The following ACAP2 variants were observed in gnomAD, a reference collection of about 807,000 sequenced individuals.
ACAP2 encodes the protein ArfGAP with coiled-coil, ankyrin repeat and PH domains 2.
ACAP2 carries 39 observed loss-of-function variants against 115.8 expected under a neutral mutation model. That is an observed-to-expected ratio of 0.34 (90% CI 0.26 to 0.44). ACAP2 has a LOEUF of 0.44. ACAP2 is among the 20% of genes least tolerant of loss of function. The probability of loss-of-function intolerance (pLI) is 1.00; values close to 1 mark genes in which losing one functional copy is unlikely to be tolerated. For missense variants in ACAP2, 662 were observed against 927.6 expected (o/e 0.71, Z 3.72); for synonymous variants, 289 against 315.8 (o/e 0.92, Z 0.90).
At chr3:195,315,671 G>A (rs1262357138) in intron 10 of ACAP2, among the ~76,000 whole-genome samples, 1 of 152,056 alleles carries the variant, frequency 6.6e-6, no homozygotes, top group Non-Finnish European at 1.5e-5. Context: ...TGAAAATAAG[G>A]GGCTCTACAA....
At chr3:195,440,797 G>A (rs752994459) in intron 1 of ACAP2, among the ~76,000 whole-genome samples, 2 of 151,976 alleles carry the variant, frequency 1.3e-5, no homozygotes, top group Non-Finnish European at 2.9e-5. Context: ...TCTATTTCTC[G>A]GCAGTCTTCC....
intron 10 of ACAP2, among the ~76,000 whole-genome samples, chr3:195,316,333 A>T (rs1160955083): frequency 6.6e-6 from 1 of 152,062 alleles, no homozygotes; most frequent in Admixed American, 6.5e-5. Flanking sequence ...AGCTAGAAAC[A>T]TTATTTCTAA....
intron 7 of ACAP2, among the ~76,000 whole-genome samples, chr3:195,334,866 T>G (rs1009469784): frequency 2.6e-5 from 4 of 152,126 alleles, no homozygotes; most frequent in African/African-American, 9.7e-5. Context: ...ATAATAAGAT[T>G]ATTCATTAGA....
chr3:195,324,494 C>G (rs1449755619), intron 9 of ACAP2, among the ~76,000 whole-genome samples: 1 of 152,180 alleles, frequency 6.6e-6, no homozygotes, highest in Non-Finnish European at 1.5e-5. Flanking sequence ...TGGCTCACAC[C>G]TGTAATCCGA....
chr3:195,341,001 T>C (rs571626955), intron 6 of ACAP2, among the ~76,000 whole-genome samples: 1 of 152,336 alleles, frequency 6.6e-6, no homozygotes, highest in Non-Finnish European at 1.5e-5. Context: ...CTAATTTCTA[T>C]TTGGTTACTT....
chr3:195,404,405 G>A (rs554690867), intron 1 of ACAP2, among the ~76,000 whole-genome samples: 1 of 152,090 alleles, frequency 6.6e-6, no homozygotes, highest in African/African-American at 2.4e-5. Context: ...TTCTAAGGAA[G>A]AGATAAAATA....
At chr3:195,323,399 C>T (rs900496070) in intron 9 of ACAP2, among the ~76,000 whole-genome samples, 65 of 151,984 alleles carry the variant, frequency 4.3e-4, no homozygotes, top group African/African-American at 1.5e-3. Flanking sequence ...AATTTTATCG[C>T]AAACAGAACA....
rs770803296 is a variant in ACAP2, at chr3:195,301,573, A to C, written c.1395+2T>G. On this transcript the variant is annotated splice_donor_variant, in intron 15 of 22. Coordinates refer to ENST00000326793, the MANE Select transcript of ACAP2 (RefSeq NM_012287.6). LOFTEE classifies it high-confidence loss of function. ...ATATTTTAAAGCAAAAATTTTTTTTACCTTTAAAAGTTCTGGCTCCCAGGT... is the reference window on the plus strand; with the variant it reads ...ATATTTTAAAGCAAAAATTTTTTTTCCCTTTAAAAGTTCTGGCTCCCAGGT... 1 of 1,598,766 alleles carries C rather than the reference A, an allele frequency of 6.3e-7. No individual in the cohort carries two copies. The highest frequency in any genetic ancestry group is 8.5e-7 in the Non-Finnish European group (1 of 1,174,966).
chr3:195,328,486 T>C (rs1238463077), intron 8 of ACAP2, among the ~76,000 whole-genome samples: 4 of 152,194 alleles, frequency 2.6e-5, no homozygotes, highest in African/African-American at 9.7e-5. Flanking sequence ...GTGGCAACTA[T>C]GCTACTCTAT....
intron 1 of ACAP2, among the ~76,000 whole-genome samples, chr3:195,402,753 A>C (rs1261899796): frequency 6.6e-6 from 1 of 152,240 alleles, no homozygotes; most frequent in Non-Finnish European, 1.5e-5. Flanking sequence ...CAAACAAGTT[A>C]TACTAATCAG....
chr3:195,363,431 T>C (rs1212429348), intron 4 of ACAP2, among the ~76,000 whole-genome samples: 6 of 152,004 alleles, frequency 3.9e-5, no homozygotes, highest in Admixed American at 2.6e-4. Flanking sequence ...TCACCTGAGG[T>C]TGGGAGTTCG....
At chr3:195,406,259 C>A (rs1320586327) in intron 1 of ACAP2, among the ~76,000 whole-genome samples, 1 of 152,024 alleles carries the variant, frequency 6.6e-6, no homozygotes. Flanking sequence ...AAGTCCTCAC[C>A]CTCTTATTTA....
chr3:195,402,837 C>G (rs1289654445), intron 1 of ACAP2, among the ~76,000 whole-genome samples: 1 of 151,878 alleles, frequency 6.6e-6, no homozygotes, highest in East Asian at 1.9e-4. Flanking sequence ...AAAATTCTGG[C>G]AAATGAAAAA....
chr3:195,292,441 G>A lies in ACAP2; in HGVS notation c.1777C>T (p.Gln593Ter). Residue 593 changes from glutamine to a stop codon, truncating the protein, a stop_gained, in exon 19 of 23, where the codon CAA becomes TAA. Coordinates refer to ENST00000326793, the MANE Select transcript of ACAP2 (RefSeq NM_012287.6). LOFTEE classifies it high-confidence loss of function. ...GAGTCAAGAAACATAGAAGAATCTT[G>A]CCTTTCTCCTTCTGAAAAGCAAACA... ...NSLYEPEGER[Q>*]DSSMFLDSKH... 6.2e-7 allele frequency: 1 copy of A among 1,601,490 alleles called. No homozygotes were observed. Among genetic ancestry groups the A allele is most frequent in the East Asian group, 2.2e-5 (1 of 44,824 alleles).
intron 4 of ACAP2, among the ~76,000 whole-genome samples, chr3:195,364,016 T>C (rs926979044): frequency 1.3e-5 from 2 of 152,116 alleles, no homozygotes; most frequent in Admixed American, 6.6e-5. Flanking sequence ...AAGAAAACAT[T>C]GGGGAAATTC....
intron 4 of ACAP2, among the ~76,000 whole-genome samples, chr3:195,347,686 T>C (rs1374786623): frequency 6.6e-6 from 1 of 152,188 alleles, no homozygotes; most frequent in Non-Finnish European, 1.5e-5. Flanking sequence ...GGTTTTTGCA[T>C]TTAACTGTAT....
chr3:195,437,207 C>T (rs1715610251), intron 1 of ACAP2, among the ~76,000 whole-genome samples: 1 of 136,164 alleles, frequency 7.3e-6, no homozygotes, highest in South Asian at 2.7e-4. Flanking sequence ...CCACATTTGG[C>T]TAATTTTTTT....
At chr3:195,290,841 TAAATAAATAATAAATA>T (rs1318427712) in intron 20 of ACAP2, among the ~76,000 whole-genome samples, 3 of 126,108 alleles carry the variant, frequency 2.4e-5, no homozygotes, top group Admixed American at 8.7e-5. Context: ...AATAAATAAA[TAAATAAATAATAAATA>T]AATAAATAAA....
chr3:195,412,164 CAAAAAA>C (rs869120673), intron 1 of ACAP2, among the ~76,000 whole-genome samples: 576 of 48,554 alleles, frequency 0.012, 4 homozygotes, highest in African/African-American at 0.029. Context: ...GACCCTGTCT[CAAAAAA>C]AAAAAAAAAA....
Sources: gnomAD v4.1 joint callset for allele counts (sites outside exome capture counted in the v4.1 genomes callset) on GRCh38, gnomAD v4.1.1 for gene constraint, MANE v1.5 for transcripts, NCBI Gene and HGNC (gene_info 2026-07-23, HGNC 2026-07-21) for gene names.